The following SEM1 variants were observed in gnomAD, a reference collection of about 807,000 sequenced individuals.
SEM1 encodes the protein SEM1 26S proteasome subunit, also known as 26S proteasome complex subunit SEM1.
In SEM1, 3 loss-of-function variants were observed where a neutral mutation model predicts 12.7. The ratio of observed to expected loss-of-function variants is 0.24; its 90% CI spans 0.11 to 0.61. SEM1 has a LOEUF of 0.61. SEM1 is among the 20% of genes least tolerant of loss of function. The pLI, the probability that SEM1 is intolerant of heterozygous loss-of-function variation, is 0.88. For missense variants in SEM1, 59 were observed against 81.3 expected (o/e 0.73, Z 1.06); for synonymous variants, 30 against 27.8 (o/e 1.08, Z -0.25).
downstream of SEM1, among the ~76,000 whole-genome samples, chr7:96,685,513 A>G (rs952913533): frequency 5.9e-5 from 9 of 152,218 alleles, no homozygotes; most frequent in Middle Eastern, 3.4e-3. Flanking sequence ...GTTGAAAGAG[A>G]AACCCTAAGT....
At chr7:96,533,167 G>A (rs7793261) in intron 2 of SEM1, among the ~76,000 whole-genome samples, 61,926 of 151,778 alleles carry the variant, frequency 0.41, 12,960 homozygotes, top group East Asian at 0.66. Context: ...ACACTGTCAC[G>A]TCAGCTCAGA....
intron 2 of SEM1, among the ~76,000 whole-genome samples, chr7:96,568,942 A>G (rs1162870573): frequency 6.6e-6 from 1 of 151,968 alleles, no homozygotes; most frequent in Non-Finnish European, 1.5e-5. Flanking sequence ...TTGTCATAAC[A>G]TATTGTAAGT....
rs2115566456 is a variant in SEM1, at chr7:96,513,864, A to C, written c.171-7166T>G. Among the ~76,000 whole-genome samples the C allele has an allele frequency of 1.3e-5, 2 of 152,170 alleles. 1 individual carries two copies. The highest frequency in any genetic ancestry group is 3.9e-4 in the East Asian group (2 of 5,166). On this transcript the variant is annotated intron_variant and NMD_transcript_variant, in intron 2 of 3. Transcript: ENST00000466986. ...AAATTCGTTATAAAAATGAGATTATACCATAGATATTGCTATGTAATATTA... is the reference window on the plus strand; with the variant it reads ...AAATTCGTTATAAAAATGAGATTATCCCATAGATATTGCTATGTAATATTA...
intron 2 of SEM1, among the ~76,000 whole-genome samples, chr7:96,521,719 A>G (rs1804277539): frequency 6.6e-6 from 1 of 152,094 alleles, no homozygotes; most frequent in African/African-American, 2.4e-5. Flanking sequence ...CTGGAGTCAC[A>G]TGGAATGAGA....
intron 2 of SEM1, among the ~76,000 whole-genome samples, chr7:96,552,845 C>A (rs1393091823): frequency 6.6e-6 from 1 of 150,788 alleles, no homozygotes; most frequent in Admixed American, 6.6e-5. Flanking sequence ...TCCACATCCT[C>A]TCCAGCACCT....
At chr7:96,613,577 T>C (rs1294448344) in intron 2 of SEM1, among the ~76,000 whole-genome samples, 1 of 152,234 alleles carries the variant, frequency 6.6e-6, no homozygotes, top group African/African-American at 2.4e-5. Flanking sequence ...TTAGCTATTT[T>C]AAAATATACA....
At chr7:96,615,165 A>G (rs1807669157) in intron 2 of SEM1, among the ~76,000 whole-genome samples, 1 of 151,434 alleles carries the variant, frequency 6.6e-6, no homozygotes, top group Non-Finnish European at 1.5e-5. Flanking sequence ...GTGATTTCAC[A>G]AGGGATTTGA....
In SEM1 at chr7:96,709,563, G is replaced by A. The variant is rs1408868868; in HGVS notation, c.76+125C>T. ...TGAGGGGTGAGCGTTAGCGCCTCGA[G>A]TGCCGGCCCTGGGAGTCCAAACTTC... is the stretch of plus-strand genomic sequence containing the variant. On this transcript the variant is annotated intron_variant, in intron 1 of 2. Coordinates refer to ENST00000248566, the MANE Select transcript of SEM1 (RefSeq NM_006304.2). 7 of 849,570 alleles carry A rather than the reference G, an allele frequency of 8.2e-6. No homozygotes were observed. The Admixed American group carries it at 1.1e-4, about 13-fold the overall frequency. 52.6% of individuals were successfully genotyped at this position (849,570 alleles called of 1,614,324 possible).
At chr7:96,524,662 TA>T (rs1180419022) in intron 2 of SEM1, among the ~76,000 whole-genome samples, 1 of 151,960 alleles carries the variant, frequency 6.6e-6, no homozygotes, top group Non-Finnish European at 1.5e-5. Context: ...CCCATTATAT[TA>T]AAAAATTATT....
intron 2 of SEM1, among the ~76,000 whole-genome samples, chr7:96,643,329 T>C (rs1372875427): frequency 6.8e-6 from 1 of 147,504 alleles, no homozygotes; most frequent in Non-Finnish European, 1.5e-5. Flanking sequence ...ATACGTACCA[T>C]ATTTTCTTTA....
At chr7:96,681,997 T>C (rs1197874514) in intron 2 of SEM1, among the ~76,000 whole-genome samples, 1 of 152,164 alleles carries the variant, frequency 6.6e-6, no homozygotes, top group Non-Finnish European at 1.5e-5. Context: ...TTTCACGATA[T>C]TGATTCTTCC....
intron 1 of SEM1, among the ~76,000 whole-genome samples, chr7:96,701,923 G>A (rs1238357856): frequency 6.6e-6 from 1 of 152,108 alleles, no homozygotes; most frequent in African/African-American, 2.4e-5. Context: ...CCCAAGTAGA[G>A]CAAGGAGGGC....
chr7:96,524,367 C>A (rs967947951), intron 2 of SEM1, among the ~76,000 whole-genome samples: 2 of 152,092 alleles, frequency 1.3e-5, no homozygotes, highest in African/African-American at 4.8e-5. Context: ...ATATGGTAGC[C>A]AGTAGGCATG....
chr7:96,560,445 G>T (rs1348480571), intron 2 of SEM1, among the ~76,000 whole-genome samples: 1 of 151,988 alleles, frequency 6.6e-6, no homozygotes, highest in Non-Finnish European at 1.5e-5. Context: ...CTTTAGTAAA[G>T]TACAATTAAT....
rs1381651169 is a variant in SEM1, at chr7:96,615,239, ATCTTT to A, written c.170+79554_170+79558del. Among the ~76,000 whole-genome samples the A allele has an allele frequency of 8.8e-4, 86 of 98,168 alleles. 2 individuals carry two copies. The highest frequency in any genetic ancestry group is 1.3e-3 in the Non-Finnish European group (65 of 51,918). 64.4% of individuals were successfully genotyped at this position (98,168 alleles called of 152,430 possible). A position where few individuals can be genotyped will look rare whatever the true frequency, so the allele number is the denominator to read the frequency against. On this transcript the variant is annotated intron_variant and NMD_transcript_variant, in intron 2 of 3. Coordinates refer to the SEM1 transcript ENST00000466986. The stretch of plus-strand genomic sequence containing the variant: ...GGACTGTTGGGTTATTTTTTGAGTC[ATCTTT>A]TTTTTTTTTTTTTTTTTTTTTGGAG...
chr7:96,533,339 G>A (rs1004235414), intron 2 of SEM1, among the ~76,000 whole-genome samples: 5 of 151,810 alleles, frequency 3.3e-5, no homozygotes, highest in Admixed American at 6.6e-5. Context: ...TCCTCCCACC[G>A]TCTCCATCAA....
At chr7:96,678,055 G>A (rs1449890519) in intron 2 of SEM1, among the ~76,000 whole-genome samples, 2 of 152,154 alleles carry the variant, frequency 1.3e-5, no homozygotes, top group African/African-American at 4.8e-5. Flanking sequence ...TTTGTTGAAT[G>A]AATAAATTTC....
At chr7:96,700,777 G>A (rs1790246611) in intron 1 of SEM1, among the ~76,000 whole-genome samples, 1 of 152,082 alleles carries the variant, frequency 6.6e-6, no homozygotes, top group African/African-American at 2.4e-5. Flanking sequence ...TTTTCAAAGA[G>A]TTTTTCAGTG....
At chr7:96,670,246 A>G, downstream of SEM1, among the ~76,000 whole-genome samples, 1 of 152,214 alleles carries the variant, frequency 6.6e-6, no homozygotes, top group Non-Finnish European at 1.5e-5. Flanking sequence ...TAACTCATTA[A>G]ATTAGATCAA....
Sources: gnomAD v4.1 joint callset for allele counts (sites outside exome capture counted in the v4.1 genomes callset) on GRCh38, gnomAD v4.1.1 for gene constraint, MANE v1.5 for transcripts, NCBI Gene and HGNC (gene_info 2026-07-23, HGNC 2026-07-21) for gene names.